The following PITPNC1 variants were observed in gnomAD, a reference collection of about 807,000 sequenced individuals.
PITPNC1 encodes cytoplasmic phosphatidylinositol transfer protein 1.
PITPNC1 carries 18 observed loss-of-function variants against 44.7 expected under a neutral mutation model. The observed-to-expected ratio is 0.40, with a 90% CI of 0.28 to 0.60. The LOEUF (loss-of-function observed/expected upper bound fraction) is 0.60, where lower values mean the gene tolerates loss of function less well. PITPNC1 is among the 20% of genes least tolerant of loss of function. The pLI is 0.39. For missense variants in PITPNC1, 290 were observed against 418.4 expected (o/e 0.69, Z 2.68); for synonymous variants, 141 against 149.6 (o/e 0.94, Z 0.42).
At chr17:67,497,172 G>GT (rs1373028080) in intron 1 of PITPNC1, among the ~76,000 whole-genome samples, 1 of 150,762 alleles carries the variant, frequency 6.6e-6, no homozygotes, top group South Asian at 2.1e-4. Flanking sequence ...ACTTATCTAT[G>GT]TTTTTTGTTT....
intron 1 of PITPNC1, among the ~76,000 whole-genome samples, chr17:67,467,054 A>ATTTTTTTTTTTTTTTTTTTTTTTTTTTT (rs10623552): frequency 1.0e-5 from 1 of 95,342 alleles, no homozygotes; most frequent in Non-Finnish European, 2.0e-5. Flanking sequence ...CAGTTAGGAG[A>ATTTTTTTTTTTTTTTTTTTTTTTTTTTT]TTTTTTTTTT....
At chr17:67,560,530 G>C (rs1394426978) in intron 4 of PITPNC1, among the ~76,000 whole-genome samples, 1 of 152,184 alleles carries the variant, frequency 6.6e-6, no homozygotes, top group East Asian at 1.9e-4. Flanking sequence ...TGTGCATTTG[G>C]ATTTGTTTCC....
chr17:67,590,584 G>T (rs1440882692), intron 5 of PITPNC1, among the ~76,000 whole-genome samples: 1 of 152,164 alleles, frequency 6.6e-6, no homozygotes, highest in African/African-American at 2.4e-5. Context: ...TATGTGAAAA[G>T]TTTGATGAGG....
chr17:67,421,704 A>T (rs1215353982), intron 1 of PITPNC1, among the ~76,000 whole-genome samples: 7 of 152,188 alleles, frequency 4.6e-5, no homozygotes, highest in Non-Finnish European at 8.8e-5. Flanking sequence ...TCTCACATCC[A>T]ATTCCAGGAA....
intron 4 of PITPNC1, among the ~76,000 whole-genome samples, chr17:67,573,103 T>C (rs1031879527): frequency 2.6e-5 from 4 of 152,194 alleles, no homozygotes; most frequent in African/African-American, 9.7e-5. Context: ...TTGGCTACGA[T>C]AATTCTAGAG....
At chr17:67,518,831 TA>T (rs2040290206) in intron 1 of PITPNC1, among the ~76,000 whole-genome samples, 1 of 152,176 alleles carries the variant, frequency 6.6e-6, no homozygotes, top group African/African-American at 2.4e-5. Context: ...TAGTCCCGGC[TA>T]CTCCAGATGC....
chr17:67,397,928 C>A, intron 1 of PITPNC1, among the ~76,000 whole-genome samples: 1 of 152,058 alleles, frequency 6.6e-6, no homozygotes, highest in East Asian at 1.9e-4. Context: ...CCTGTCTCGA[C>A]TAAAAATACA....
intron 1 of PITPNC1, among the ~76,000 whole-genome samples, chr17:67,491,327 C>T (rs1432034053): frequency 1.3e-5 from 2 of 152,200 alleles, no homozygotes; most frequent in Non-Finnish European, 2.9e-5. Flanking sequence ...GATGTGGGAG[C>T]CAGCATGAGT....
intron 2 of PITPNC1, among the ~76,000 whole-genome samples, chr17:67,551,889 T>A (rs1018525476): frequency 6.6e-6 from 1 of 152,184 alleles, no homozygotes; most frequent in Non-Finnish European, 1.5e-5. Context: ...CTGCCAGTGT[T>A]TGGGCTTAAA....
intron 1 of PITPNC1, among the ~76,000 whole-genome samples, chr17:67,470,582 G>GA (rs1039111135): frequency 3.9e-5 from 6 of 151,962 alleles, no homozygotes; most frequent in African/African-American, 9.7e-5. Context: ...GAGGTGGGGG[G>GA]GGTCAGCCCC....
intron 8 of PITPNC1, among the ~76,000 whole-genome samples, chr17:67,681,856 CACAA>C (rs1477308673): frequency 2.0e-5 from 3 of 152,016 alleles, no homozygotes; most frequent in Admixed American, 1.3e-4. Context: ...AAATGATAAG[CACAA>C]ACAACTTATG....
At chr17:67,476,206 G>GTTTT (rs2039624836) in intron 1 of PITPNC1, among the ~76,000 whole-genome samples, 1 of 68,318 alleles carries the variant, frequency 1.5e-5, no homozygotes, top group Non-Finnish European at 3.2e-5. Flanking sequence ...TTTTTTTTGA[G>GTTTT]ATGGAGTCTC....
chr17:67,382,338 GGTGTGTGT>G (rs112100189), intron 1 of PITPNC1, among the ~76,000 whole-genome samples: 80 of 146,198 alleles, frequency 5.5e-4, no homozygotes, highest in African/African-American at 9.9e-4. Flanking sequence ...GGGGTTTTTT[GGTGTGTGT>G]GTGTGTGTGT....
At chr17:67,603,566 G>A (rs1054188883) in intron 5 of PITPNC1, among the ~76,000 whole-genome samples, 4 of 152,326 alleles carry the variant, frequency 2.6e-5, no homozygotes, top group Non-Finnish European at 5.9e-5. Context: ...TCAATTCTAG[G>A]TTAGTTTAGC....
chr17:67,675,333 T>C (rs1194873965), intron 7 of PITPNC1, 146 bp from the exon 8 acceptor site: 2 of 656,604 alleles, frequency 3.0e-6, no homozygotes, highest in Non-Finnish European at 5.5e-6. Context: ...ATAGGACCTA[T>C]AGGCAGCCTG....
intron 1 of PITPNC1, among the ~76,000 whole-genome samples, chr17:67,396,193 C>A (rs1296737327): frequency 6.6e-6 from 1 of 152,082 alleles, no homozygotes; most frequent in East Asian, 1.9e-4. Flanking sequence ...ATTAGAGGTC[C>A]AAATGGAATA....
intron 8 of PITPNC1, among the ~76,000 whole-genome samples, chr17:67,681,502 G>C (rs2042705034): frequency 1.3e-5 from 2 of 150,972 alleles, no homozygotes; most frequent in South Asian, 4.2e-4. Context: ...CCAGCTGCTT[G>C]GGAGGCTGAG....
At chr17:67,659,326 T>C (rs946323955) in intron 6 of PITPNC1, among the ~76,000 whole-genome samples, 5 of 152,198 alleles carry the variant, frequency 3.3e-5, no homozygotes, top group Admixed American at 2.6e-4. Context: ...TGAGCTTGGA[T>C]TGAAATATCT....
intron 1 of PITPNC1, 133 bp downstream of exon 1, chr17:67,378,335 G>A (rs2037902604): frequency 7.5e-6 from 4 of 536,852 alleles, no homozygotes; most frequent in Non-Finnish European, 1.2e-5. Context: ...AAGCCTGGAG[G>A]AGAGGAGGGA....
Sources: gnomAD v4.1 joint callset for allele counts (sites outside exome capture counted in the v4.1 genomes callset) on GRCh38, gnomAD v4.1.1 for gene constraint, MANE v1.5 for transcripts, NCBI Gene and HGNC (gene_info 2026-07-23, HGNC 2026-07-21) for gene names.